Variants in LINGO2 observed in about 807,000 individuals in gnomAD.
LINGO2 encodes leucine rich repeat and Ig domain containing 2.
Under a neutral mutation model 30.6 loss-of-function variants are expected in LINGO2, and 14 were observed. The ratio of observed to expected loss-of-function variants is 0.46; its 90% CI spans 0.30 to 0.72. The LOEUF is 0.72. Among genes scored for constraint, LINGO2 ranks in the 30% least tolerant of loss-of-function variants. LINGO2 has a pLI of 0.07. For synonymous variants in LINGO2, 317 were observed against 288.5 expected, an observed-to-expected ratio of 1.10 and a Z score of -1.00; for missense variants, 729 against 751.7, an observed-to-expected ratio of 0.97 and a Z score of 0.35.
intron 4 of LINGO2, among the ~76,000 whole-genome samples, chr9:28,087,267 C>T (rs888889147): frequency 3.3e-5 from 5 of 152,018 alleles, no homozygotes; most frequent in Non-Finnish European, 5.9e-5. Flanking sequence ...GACCCATAGA[C>T]TCATGAGGTT....
chr9:28,368,720 G>A (rs1016451370), intron 3 of LINGO2, among the ~76,000 whole-genome samples: 38 of 150,970 alleles, frequency 2.5e-4, no homozygotes, highest in Non-Finnish European at 5.0e-4. Flanking sequence ...CCTCAGCCTC[G>A]CGAGTAGCTG....
At chr9:28,793,035 C>T in the LINGO2 span, among the ~76,000 whole-genome samples, 597 of 152,104 alleles carry the variant, frequency 3.9e-3, 3 homozygotes, top group African/African-American at 0.013. Context: ...AGATACACAC[C>T]CTGCCACACA....
chr9:28,152,561 C>T (rs1258915120), intron 4 of LINGO2, among the ~76,000 whole-genome samples: 4 of 152,040 alleles, frequency 2.6e-5, no homozygotes, highest in Non-Finnish European at 5.9e-5. Context: ...AAGAGAGAAC[C>T]TCACAATAAA....
At chr9:29,188,026 T>A in the LINGO2 span, among the ~76,000 whole-genome samples, 1 of 145,670 alleles carries the variant, frequency 6.9e-6, no homozygotes, top group South Asian at 2.1e-4. Flanking sequence ...TTTTTTTTTT[T>A]TTTTTTTTTT....
chr9:28,731,292 C>T, the LINGO2 span, among the ~76,000 whole-genome samples: 1 of 151,950 alleles, frequency 6.6e-6, no homozygotes, highest in Admixed American at 6.6e-5. Flanking sequence ...CCCAGCCTAG[C>T]CCAGGTATTT....
the LINGO2 span, among the ~76,000 whole-genome samples, chr9:28,685,920 C>A: frequency 6.6e-6 from 1 of 151,386 alleles, no homozygotes; most frequent in Non-Finnish European, 1.5e-5. Flanking sequence ...ACAGTCCAGA[C>A]TATATGAAGA....
chr9:28,056,577 C>A (rs1295997602), intron 4 of LINGO2, among the ~76,000 whole-genome samples: 1 of 152,128 alleles, frequency 6.6e-6, no homozygotes, highest in East Asian at 1.9e-4. Flanking sequence ...CAGCACCCTA[C>A]ACAGTGATTG....
intron 1 of LINGO2, among the ~76,000 whole-genome samples, chr9:28,661,667 C>A (rs2136011406): frequency 6.6e-6 from 1 of 152,144 alleles, no homozygotes; most frequent in African/African-American, 2.4e-5. Flanking sequence ...TTTAAAATGT[C>A]CCCATTTTGA....
chr9:27,940,414 A>T, the LINGO2 span: 2 of 152,150 alleles, frequency 1.3e-5, no homozygotes, highest in Non-Finnish European at 2.9e-5. Flanking sequence ...CCTAGAAGCC[A>T]GTGTTTTCAG....
At chr9:28,441,234 T>C (rs1037183676) in intron 2 of LINGO2, among the ~76,000 whole-genome samples, 1 of 138,660 alleles carries the variant, frequency 7.2e-6, no homozygotes. Context: ...AGTATAGCAG[T>C]ATAAATTCAT....
chr9:28,835,511 C>T, the LINGO2 span, among the ~76,000 whole-genome samples: 1 of 152,130 alleles, frequency 6.6e-6, no homozygotes. Flanking sequence ...CAGAACAACA[C>T]TTTAGAAACC....
At chr9:28,476,525 G>T (rs7874353) in intron 1 of LINGO2, among the ~76,000 whole-genome samples, 4,635 of 151,982 alleles carry the variant, frequency 0.03, 170 homozygotes, top group East Asian at 0.098. Context: ...TCCTCCCGCC[G>T]CGGCCTCCCA....
chr9:28,793,802 C>T, the LINGO2 span, among the ~76,000 whole-genome samples: 1 of 152,166 alleles, frequency 6.6e-6, no homozygotes, highest in Non-Finnish European at 1.5e-5. Flanking sequence ...GCAGAATCTC[C>T]ACCTCCCAGA....
intron 4 of LINGO2, among the ~76,000 whole-genome samples, chr9:28,247,603 G>A (rs1822050050): frequency 6.6e-6 from 1 of 152,102 alleles, no homozygotes; most frequent in African/African-American, 2.4e-5. Context: ...CTGTAGGGAA[G>A]GGACAAAGTG....
intron 1 of LINGO2, among the ~76,000 whole-genome samples, chr9:28,646,511 T>A (rs1827845526): frequency 6.6e-6 from 1 of 152,088 alleles, no homozygotes; most frequent in Non-Finnish European, 1.5e-5. Context: ...TAAGTTGTAG[T>A]CTGGTAAGAA....
intron 4 of LINGO2, among the ~76,000 whole-genome samples, chr9:28,137,297 T>C (rs938714604): frequency 6.6e-6 from 1 of 152,046 alleles, no homozygotes; most frequent in African/African-American, 2.4e-5. Flanking sequence ...TGTATACAAG[T>C]TGAATGTCAG....
At chr9:28,209,151 A>G (rs7860506) in intron 4 of LINGO2, among the ~76,000 whole-genome samples, 16,512 of 152,054 alleles carry the variant, frequency 0.11, 970 homozygotes, top group Middle Eastern at 0.15. Flanking sequence ...AATTTTTCAA[A>G]GCGTCCTTTC....
rs565081088 is a variant in LINGO2 at position 27,985,102 on chromosome 9, C to A, written c.-36+27253G>T. Among the ~76,000 whole-genome samples the A allele has an allele frequency of 1.2e-4, 18 of 151,886 alleles. No individual in the cohort carries two copies. In the South Asian group the frequency reaches 2.7e-3, roughly 23 times the overall value. On this transcript the variant is annotated intron_variant, in intron 5 of 5. Coordinates refer to ENST00000379992, the Ensembl canonical transcript of LINGO2. Reference sequence around the variant, plus strand: ...GTGATATAAATACATGGAAATGAGACAACAGAATTGTTATGACATTCTTCT... The same window carrying A: ...GTGATATAAATACATGGAAATGAGAAAACAGAATTGTTATGACATTCTTCT...
chr9:28,126,615 A>T (rs961485794), intron 4 of LINGO2, among the ~76,000 whole-genome samples: 3 of 152,230 alleles, frequency 2.0e-5, no homozygotes, highest in African/African-American at 7.2e-5. Context: ...TGGGGCACCT[A>T]GGGGTCCCTC....
Sources: gnomAD v4.1 joint callset for allele counts (sites outside exome capture counted in the v4.1 genomes callset) on GRCh38, gnomAD v4.1.1 for gene constraint, MANE v1.5 for transcripts, NCBI Gene and HGNC (gene_info 2026-07-23, HGNC 2026-07-21) for gene names.